TACC1: variants seen among roughly 807,000 people sequenced by gnomAD.
TACC1 encodes the protein transforming acidic coiled-coil-containing protein 1.
Under a neutral mutation model 84.4 loss-of-function variants are expected in TACC1, and 48 were observed. The observed-to-expected ratio is 0.57, with a 90% confidence interval of 0.45 to 0.72. The LOEUF is 0.72. TACC1 is among the 30% of genes least tolerant of loss of function. TACC1 has a pLI of 0.00. For synonymous variants in TACC1, 372 were observed against 376.3 expected (o/e 0.99, Z 0.13); for missense variants, 920 against 973.0 (o/e 0.95, Z 0.72).
rs143745734 is a variant in TACC1, at chr8:38,822,587, A to C, written c.1391+1952A>C. On this transcript the variant is annotated intron_variant, in intron 3 of 12. Transcript: ENST00000317827. ...GCTTACTGTAACTTTTACTTTATCA[A>C]CTTTTAAATTTTTTAAGAAGTTTTG... Among the ~76,000 whole-genome samples, 113 of 152,356 alleles carry C rather than the reference A, an allele frequency of 7.4e-4. 1 individual carries two copies. The East Asian group carries it at 0.018, about 24-fold the overall frequency.
intron 5 of TACC1, 24 bp downstream of exon 5, chr8:38,827,399 T>A (rs1464952066): frequency 1.2e-6 from 2 of 1,611,366 alleles, no homozygotes; most frequent in East Asian, 4.5e-5. Context: ...TCTTCATCTT[T>A]CTAATGTACA....
chr8:38,813,194 CTCT>C (rs1343238247), intron 2 of TACC1, among the ~76,000 whole-genome samples: 2 of 152,136 alleles, frequency 1.3e-5, no homozygotes, highest in Admixed American at 6.5e-5. Context: ...ATCCACATTC[CTCT>C]AAGGACGTCC....
In TACC1 at chr8:38,850,775, CAAAAA is replaced by C. The variant is rs35426492; in HGVS notation, c.*2773_*2777del. The C allele has an allele frequency of 0.015, 1,029 of 69,144 alleles. 18 individuals carry two copies. Among genetic ancestry groups the C allele is most frequent in the African/African-American group, 0.047 (980 of 20,746 alleles). 4.3% of individuals were successfully genotyped at this position (69,144 alleles called of 1,614,324 possible). A position where few individuals can be genotyped will look rare whatever the true frequency, so the allele number is the denominator to read the frequency against. On this transcript the variant is annotated 3_prime_UTR_variant, in exon 13 of 13. Transcript: ENST00000317827. Reference sequence around the variant, plus strand: ...CCTGGGTGACAGCAAGATCTTGTCTCAAAAAAAAAAAAAAAAAAAAAAAAACCAGG... The same window carrying C: ...CCTGGGTGACAGCAAGATCTTGTCTCAAAAAAAAAAAAAAAAAAAACCAGG...
chr8:38,774,740 C>T (rs565355145), intron 3 of TACC1, among the ~76,000 whole-genome samples: 39 of 152,104 alleles, frequency 2.6e-4, no homozygotes, highest in Admixed American at 1.8e-3. Flanking sequence ...AGGCCAGCCA[C>T]GGTGGCTCAC....
chr8:38,830,236 G>A (rs974261800), intron 5 of TACC1, among the ~76,000 whole-genome samples: 9 of 152,132 alleles, frequency 5.9e-5, no homozygotes, highest in African/African-American at 2.2e-4. Flanking sequence ...GTATTTTTAT[G>A]TTTACTTTAA....
intron 6 of TACC1, among the ~76,000 whole-genome samples, chr8:38,833,887 T>A (rs973157961): frequency 2.0e-5 from 3 of 152,162 alleles, no homozygotes; most frequent in Non-Finnish European, 4.4e-5. Flanking sequence ...TGTTGTTAAT[T>A]TAGAATCAGA....
At chr8:38,835,756 G>C (rs1185916490) in intron 6 of TACC1, among the ~76,000 whole-genome samples, 1 of 152,232 alleles carries the variant, frequency 6.6e-6, no homozygotes, top group Non-Finnish European at 1.5e-5. Flanking sequence ...TATGTAACAG[G>C]AGCAGCTGTC....
At chr8:38,742,280 TTGGAAACTTGTGC>T (rs1807221607) in intron 1 of TACC1, 1 of 598,690 alleles carries the variant, frequency 1.7e-6, no homozygotes, top group Non-Finnish European at 2.6e-6. Flanking sequence ...AGGCAAAAGG[TTGGAAACTTGTGC>T]TGGAAACTTA....
In TACC1 at chr8:38,844,828, T is replaced by A. The variant is rs145365167; in HGVS notation, c.2228+1433T>A. ...TCTTCCCCATGCTGGATAGAAAATA[T>A]TCTCCCATGTTTTACTTACACTTTA... On this transcript the variant is annotated intron_variant, in intron 11 of 12. Transcript: ENST00000317827. The A allele has an allele frequency of 1.5e-3, 236 of 152,376 alleles. 1 individual carries two copies. Among genetic ancestry groups the A allele is most frequent in the African/African-American group, 5.1e-3 (214 of 41,602 alleles). 9.4% of individuals were successfully genotyped at this position (152,376 alleles called of 1,614,324 possible).
chr8:38,753,157 T>C (rs1161418528), intron 3 of TACC1, among the ~76,000 whole-genome samples: 4 of 152,198 alleles, frequency 2.6e-5, no homozygotes, highest in African/African-American at 9.7e-5. Flanking sequence ...TGCAGTGCAG[T>C]GGTGTGATCA....
At chr8:38,788,910 C>T (rs1817977021) in intron 2 of TACC1, 91 bp downstream of exon 2, 1 of 1,044,036 alleles carries the variant, frequency 9.6e-7, no homozygotes, top group Non-Finnish European at 1.4e-6. Context: ...AAATTTAGGA[C>T]CATTTAAGAG....
chr8:38,762,820 G>T (rs1390731269), intron 3 of TACC1, among the ~76,000 whole-genome samples: 1 of 152,018 alleles, frequency 6.6e-6, no homozygotes, highest in Non-Finnish European at 1.5e-5. Flanking sequence ...GCCTCCCAAA[G>T]TGCTGGGATT....
rs11467 is a variant in TACC1, at chr8:38,787,396, A to G, written c.-187A>G. Reference sequence around the variant, plus strand: ...GAGGGGAGGAGGCCGAGGAGGACGCAGCGCCGGCTGCCGGCGGGAGGAAGC... The same window carrying G: ...GAGGGGAGGAGGCCGAGGAGGACGCGGCGCCGGCTGCCGGCGGGAGGAAGC... On this transcript the variant is annotated 5_prime_UTR_variant, in exon 1 of 13. Transcript: ENST00000317827. 507,164 of 1,351,206 alleles carry G rather than the reference A, an allele frequency of 0.38. 97,736 individuals are homozygous for G. The highest frequency in any genetic ancestry group is 0.48 in the Middle Eastern group (1,746 of 3,656). 83.7% of individuals were successfully genotyped at this position (1,351,206 alleles called of 1,614,324 possible).
At chr8:38,756,822 C>T (rs1225578680) in intron 3 of TACC1, among the ~76,000 whole-genome samples, 2 of 152,172 alleles carry the variant, frequency 1.3e-5, no homozygotes, top group South Asian at 2.1e-4. Context: ...AGAGCATGCC[C>T]TTTGCAGGGC....
At chr8:38,818,289 C>T (rs548079118) in intron 2 of TACC1, among the ~76,000 whole-genome samples, 1 of 152,086 alleles carries the variant, frequency 6.6e-6, no homozygotes, top group East Asian at 1.9e-4. Context: ...TGACTCTGAT[C>T]CTGGATTAGG....
chr8:38,769,711 G>A (rs1813151103), intron 3 of TACC1, among the ~76,000 whole-genome samples: 1 of 88,652 alleles, frequency 1.1e-5, no homozygotes. Flanking sequence ...TGTGTGTGTG[G>A]TGTGTGTGTG....
exon 3 of TACC1, chr8:38,745,486 C>T (rs1319334293): frequency 4.3e-6 from 3 of 690,852 alleles, no homozygotes; most frequent in East Asian, 5.4e-5. Flanking sequence ...TATATTGAAA[C>T]TTAAAAGGCA....
chr8:38,750,836 A>C (rs1399741397), intron 3 of TACC1, among the ~76,000 whole-genome samples: 1 of 152,240 alleles, frequency 6.6e-6, no homozygotes, highest in Non-Finnish European at 1.5e-5. Flanking sequence ...TCAAAGTCTC[A>C]ATATTGTTAA....
At chr8:38,737,717 A>G (rs1806236939) in intron 1 of TACC1, among the ~76,000 whole-genome samples, 1 of 151,036 alleles carries the variant, frequency 6.6e-6, no homozygotes, top group Admixed American at 6.6e-5. Flanking sequence ...TAGAGCTCAG[A>G]TTGGGAGCCA....
Sources: allele counts gnomAD v4.1 joint callset (sites outside exome capture counted in the v4.1 genomes callset), GRCh38; gene constraint gnomAD v4.1.1; transcripts MANE v1.5; gene names NCBI Gene and HGNC (gene_info 2026-07-23, HGNC 2026-07-21).